SOHLH2: variants seen among roughly 807,000 people sequenced by gnomAD.
SOHLH2 encodes the protein spermatogenesis- and oogenesis-specific basic helix-loop-helix-containing protein 2.
SOHLH2 carries 22 observed loss-of-function variants against 50.4 expected under a neutral mutation model. The observed-to-expected ratio is 0.44, with a 90% CI of 0.31 to 0.62. The LOEUF is 0.62. Among genes scored for constraint, SOHLH2 ranks in the 20% least tolerant of loss-of-function variants. SOHLH2 has a pLI of 0.08. For missense variants in SOHLH2, 412 were observed against 504.4 expected, an observed-to-expected ratio of 0.82 and a Z score of 1.76; for synonymous variants, 185 against 187.3, an observed-to-expected ratio of 0.99 and a Z score of 0.10.
At position 36,168,470 on chromosome 13, in the gene SOHLH2, T is replaced by G. The variant is rs1449014812; in HGVS notation, c.*564A>C. On this transcript the variant is annotated 3_prime_UTR_variant, in exon 11 of 11. Transcript: ENST00000379881. Reference sequence around the variant, plus strand: ...CACACATCAATTTATTCATTAGTTGTCAAGTGAGGAGGTAAACCCCTCTTT... The same window carrying G: ...CACACATCAATTTATTCATTAGTTGGCAAGTGAGGAGGTAAACCCCTCTTT... 1 of 152,382 alleles carries G rather than the reference T, an allele frequency of 6.6e-6. No homozygotes were observed. Among genetic ancestry groups the G allele is most frequent in the Non-Finnish European group, 1.5e-5 (1 of 68,168 alleles). 9.4% of individuals were successfully genotyped at this position (152,382 alleles called of 1,614,324 possible).
intron 1 of SOHLH2, among the ~76,000 whole-genome samples, chr13:36,205,841 A>C (rs866373627): frequency 2.6e-5 from 4 of 152,072 alleles, no homozygotes; most frequent in South Asian, 4.1e-4. Flanking sequence ...GAAGACATTT[A>C]TAGAGCTGGA....
intron 1 of SOHLH2, 63 bp downstream of exon 1, chr13:36,214,416 A>C (rs1050954962): frequency 7.6e-6 from 12 of 1,571,464 alleles, no homozygotes; most frequent in Admixed American, 1.8e-5. Flanking sequence ...CGAGGGGACC[A>C]CCGACCTAGG....
At chr13:36,171,845 A>G (rs1160499322) in intron 9 of SOHLH2, among the ~76,000 whole-genome samples, 1 of 152,238 alleles carries the variant, frequency 6.6e-6, no homozygotes, top group Non-Finnish European at 1.5e-5. Flanking sequence ...CATAACAACA[A>G]ATATACATAT....
At chr13:36,185,267 G>T (rs975123840) in intron 6 of SOHLH2, among the ~76,000 whole-genome samples, 5 of 152,132 alleles carry the variant, frequency 3.3e-5, no homozygotes, top group Non-Finnish European at 7.4e-5. Context: ...AGGAGTTTGA[G>T]ATCAGCCTGG....
chr13:36,212,682 T>A (rs974785993), intron 1 of SOHLH2, among the ~76,000 whole-genome samples: 1 of 152,202 alleles, frequency 6.6e-6, no homozygotes, highest in Non-Finnish European at 1.5e-5. Flanking sequence ...GAAAGTAACA[T>A]GTATTCACTG....
At chr13:36,193,766 T>G (rs377093716) in intron 3 of SOHLH2, 40 bp downstream of exon 3, 88 of 1,602,028 alleles carry the variant, frequency 5.5e-5, no homozygotes, top group Non-Finnish European at 7.2e-5. Flanking sequence ...ATAGTTTCTA[T>G]TTAGAGAAAA....
chr13:36,174,618 T>C (rs749733692), intron 7 of SOHLH2, 51 bp from the exon 8 acceptor site: 3 of 1,610,536 alleles, frequency 1.9e-6, no homozygotes, highest in Admixed American at 3.4e-5. Context: ...TTTACATAGA[T>C]ACAAAGACAC....
At chr13:36,188,068 A>T (rs1379402841) in intron 6 of SOHLH2, among the ~76,000 whole-genome samples, 10 of 152,264 alleles carry the variant, frequency 6.6e-5, no homozygotes, top group African/African-American at 2.4e-4. Context: ...CTCTGCTGGA[A>T]AGGCTTCAGT....
At chr13:36,184,880 C>T (rs902246130) in intron 6 of SOHLH2, among the ~76,000 whole-genome samples, 3 of 152,106 alleles carry the variant, frequency 2.0e-5, no homozygotes, top group Admixed American at 6.5e-5. Flanking sequence ...CTTTAAGCCC[C>T]GCATGCATTA....
intron 2 of SOHLH2, among the ~76,000 whole-genome samples, chr13:36,201,045 C>T (rs7330281): frequency 0.35 from 44,257 of 127,132 alleles, 7,757 homozygotes; most frequent in African/African-American, 0.37. Flanking sequence ...CGAGACTCTG[C>T]CTCAAAAAAA....
chr13:36,201,048 C>CAAAAAAAAA (rs10660002), intron 2 of SOHLH2, among the ~76,000 whole-genome samples: 7 of 55,954 alleles, frequency 1.3e-4, no homozygotes, highest in East Asian at 5.6e-4. Flanking sequence ...GACTCTGCCT[C>CAAAAAAAAA]AAAAAAAAAA....
chr13:36,185,209 C>T (rs1887383031), intron 6 of SOHLH2, among the ~76,000 whole-genome samples: 1 of 152,044 alleles, frequency 6.6e-6, no homozygotes, highest in South Asian at 2.1e-4. Flanking sequence ...TGGCTCATGC[C>T]TGTAATCCCA....
chr13:36,174,498 G>A lies in SOHLH2; in HGVS notation c.859C>T (p.Pro287Ser). Residue 287 changes from proline (P) to serine (S), a missense_variant, in exon 8 of 11, where the codon CCA becomes TCA. Physicochemically the swap from Pro to Ser is moderately conservative, Grantham distance 74. Coordinates refer to ENST00000379881, the MANE Select transcript of SOHLH2 (RefSeq NM_017826.3). Reference protein sequence around the residue: ...KQQTPIELSLPGTVMAQRENS... With the variant: ...KQQTPIELSLSGTVMAQRENS... ...TACCGCTGTGCCATGACAGTGCCTG[G>A]GAGAGACAGCTCAATGGGTGTTTGT... is the stretch of plus-strand genomic sequence containing the variant. The A allele has an allele frequency of 6.2e-7, 1 of 1,614,080 alleles. No individual in the cohort carries two copies. The highest frequency in any genetic ancestry group is 8.5e-7 in the Non-Finnish European group (1 of 1,180,008).
At chr13:36,206,359 G>A (rs533189068) in intron 1 of SOHLH2, among the ~76,000 whole-genome samples, 65 of 152,110 alleles carry the variant, frequency 4.3e-4, no homozygotes, top group African/African-American at 1.4e-3. Flanking sequence ...TATATAGTGA[G>A]TTCATGTTCA....
chr13:36,213,335 T>A (rs574045796), intron 1 of SOHLH2, among the ~76,000 whole-genome samples: 1 of 152,306 alleles, frequency 6.6e-6, no homozygotes, highest in Non-Finnish European at 1.5e-5. Flanking sequence ...TTCCTCTATC[T>A]TGAAAAATTA....
chr13:36,211,849 G>A (rs999314325), intron 1 of SOHLH2, among the ~76,000 whole-genome samples: 2 of 152,210 alleles, frequency 1.3e-5, no homozygotes, highest in African/African-American at 4.8e-5. Context: ...AGCAGGGGAA[G>A]GACCAGGGGA....
intron 1 of SOHLH2, among the ~76,000 whole-genome samples, chr13:36,210,377 T>C (rs2138334355): frequency 6.6e-6 from 1 of 152,340 alleles, no homozygotes; most frequent in East Asian, 1.9e-4. Context: ...CTGTGGATTT[T>C]CTACTTTTGT....
At chr13:36,193,524 C>CT in intron 4 of SOHLH2, 97 bp downstream of exon 4, 1 of 1,315,652 alleles carries the variant, frequency 7.6e-7, no homozygotes, top group Non-Finnish European at 1.0e-6. Context: ...ATATTTCTCC[C>CT]TTTATTTTAT....
intron 1 of SOHLH2, among the ~76,000 whole-genome samples, chr13:36,210,626 G>GGTA: frequency 6.6e-6 from 1 of 152,158 alleles, no homozygotes; most frequent in African/African-American, 2.4e-5. Flanking sequence ...TGGAGTTTGG[G>GGTA]GTAGATGGGG....
Sources: allele counts gnomAD v4.1 joint callset (sites outside exome capture counted in the v4.1 genomes callset), GRCh38; gene constraint gnomAD v4.1.1; transcripts MANE v1.5; gene names NCBI Gene and HGNC (gene_info 2026-07-23, HGNC 2026-07-21).